The following FARS2 variants were observed in gnomAD, a reference collection of about 807,000 sequenced individuals.
FARS2 encodes the protein phenylalanyl-tRNA synthetase 2, mitochondrial, also known as phenylalanine--tRNA ligase, mitochondrial.
A neutral mutation model predicts 46.4 loss-of-function variants in FARS2; 40 were observed. The observed-to-expected ratio is 0.86, with a 90% CI of 0.67 to 1.12. The LOEUF (loss-of-function observed/expected upper bound fraction) is 1.12, where lower values mean the gene tolerates loss of function less well. Ranked by LOEUF, FARS2 falls within the 50% of genes most tolerant of loss-of-function variation. The pLI is 0.00. For missense variants in FARS2, 513 were observed against 567.9 expected (o/e 0.90, Z 0.98); for synonymous variants, 234 against 214.9 (o/e 1.09, Z -0.78).
chr6:5,350,128 C>A (rs1188300638), intron 1 of FARS2, among the ~76,000 whole-genome samples: 1 of 150,530 alleles, frequency 6.6e-6, no homozygotes, highest in Non-Finnish European at 1.5e-5. Context: ...TTCTTTCTTT[C>A]TTGCCTGGGA....
intron 6 of FARS2, among the ~76,000 whole-genome samples, chr6:5,726,990 C>T (rs1373200224): frequency 2.0e-5 from 3 of 152,248 alleles, no homozygotes. Flanking sequence ...CAAATACCTT[C>T]GTGACCGCTG....
At position 5,341,204 on chromosome 6, in the gene FARS2, TA is replaced by T. The variant is rs1771551637; in HGVS notation, c.-21-27345del. Among the ~76,000 whole-genome samples the T allele has an allele frequency of 8.5e-4, 4 of 4,710 alleles. 1 individual carries two copies. The highest frequency in any genetic ancestry group is 1.3e-3 in the African/African-American group (2 of 1,562). The allele number at this position is 4,710 out of a possible 152,430, so 3.1% of individuals were successfully genotyped here. On this transcript the variant is annotated intron_variant, in intron 1 of 6. Coordinates refer to ENST00000274680, the MANE Select transcript of FARS2 (RefSeq NM_006567.5). ...CCATGGGGAGATATATATATATATATATATATATATATATATATATATATAT... is the reference window on the plus strand; with the variant it reads ...CCATGGGGAGATATATATATATATATTATATATATATATATATATATATAT...
At position 5,645,514 on chromosome 6, in the gene FARS2, G is replaced by A. The variant is rs953870166; in HGVS notation, c.1217+32194G>A. Among the ~76,000 whole-genome samples, 4 of 152,290 alleles carry A rather than the reference G, an allele frequency of 2.6e-5. No individual in the cohort carries two copies. The East Asian group carries it at 7.7e-4, about 29-fold the overall frequency. On this transcript the variant is annotated intron_variant, in intron 6 of 6. Coordinates refer to ENST00000274680, the MANE Select transcript of FARS2 (RefSeq NM_006567.5). ...TTTCACAGATTCATTTAGGAATGAC[G>A]AAAATGCATGCAGAAGAGCAGATGT... is the stretch of plus-strand genomic sequence containing the variant.
At chr6:5,667,127 T>G (rs1468582869) in intron 6 of FARS2, among the ~76,000 whole-genome samples, 1 of 152,106 alleles carries the variant, frequency 6.6e-6, no homozygotes, top group Non-Finnish European at 1.5e-5. Context: ...TGGGTGACAA[T>G]ATAATCTGAA....
chr6:5,409,207 T>G (rs1485907591), intron 3 of FARS2, among the ~76,000 whole-genome samples: 1 of 152,092 alleles, frequency 6.6e-6, no homozygotes, highest in African/African-American at 2.4e-5. Flanking sequence ...TACCAGCACT[T>G]GGGGAGGCCG....
intron 6 of FARS2, among the ~76,000 whole-genome samples, 200 bp from the exon 7 acceptor site, chr6:5,771,091 C>T (rs72821925): frequency 0.026 from 4,021 of 152,306 alleles, 54 homozygotes; most frequent in Non-Finnish European, 0.035. Flanking sequence ...CCAGCAGCCT[C>T]CTTTAGTCAA....
intron 6 of FARS2, among the ~76,000 whole-genome samples, chr6:5,651,983 C>T (rs1172431868): frequency 1.3e-5 from 2 of 152,114 alleles, no homozygotes; most frequent in Admixed American, 6.5e-5. Flanking sequence ...CAGAACGTTG[C>T]ACAGAGAAGA....
intron 5 of FARS2, among the ~76,000 whole-genome samples, chr6:5,580,146 C>T (rs1401468876): frequency 7.9e-5 from 12 of 151,482 alleles, no homozygotes; most frequent in Admixed American, 2.6e-4. Context: ...AAAAATTAGC[C>T]GGGCGTGGTG....
At chr6:5,475,393 A>G (rs1342210603) in intron 4 of FARS2, among the ~76,000 whole-genome samples, 1 of 152,234 alleles carries the variant, frequency 6.6e-6, no homozygotes, top group African/African-American at 2.4e-5. Context: ...GAGCCAGATT[A>G]CGGAGGACCT....
intron 6 of FARS2, among the ~76,000 whole-genome samples, chr6:5,719,250 G>T (rs1190086245): frequency 6.6e-6 from 1 of 151,974 alleles, no homozygotes; most frequent in East Asian, 1.9e-4. Context: ...GGGTCTGGAG[G>T]CACACACCTA....
At chr6:5,670,338 A>G (rs1449931291) in intron 6 of FARS2, among the ~76,000 whole-genome samples, 4 of 152,224 alleles carry the variant, frequency 2.6e-5, no homozygotes, top group Admixed American at 2.0e-4. Context: ...GGATATCACA[A>G]TTCAGGAAAT....
chr6:5,374,730 A>C (rs1759269676), intron 2 of FARS2, among the ~76,000 whole-genome samples: 1 of 152,076 alleles, frequency 6.6e-6, no homozygotes, highest in South Asian at 2.1e-4. Flanking sequence ...AATTCAATTC[A>C]TTGATTTATT....
intron 6 of FARS2, among the ~76,000 whole-genome samples, chr6:5,700,098 A>C (rs1758326406): frequency 6.6e-6 from 1 of 152,220 alleles, no homozygotes; most frequent in Non-Finnish European, 1.5e-5. Flanking sequence ...CTGCCTTCTC[A>C]TGACTGGAGA....
intron 2 of FARS2, among the ~76,000 whole-genome samples, chr6:5,372,222 C>G (rs746118674): frequency 7.2e-5 from 11 of 152,034 alleles, no homozygotes; most frequent in Non-Finnish European, 1.5e-4. Flanking sequence ...TGACCTTGGT[C>G]AGAAACCAAT....
chr6:5,333,958 T>C lies in FARS2; in HGVS notation c.-21-34592T>C, dbSNP rs76112375. The stretch of plus-strand genomic sequence containing the variant: ...CTCCTCTGGCATCCTCTACATGTGC[T>C]GTTCTTCCTCCTAAACCTCCAAGGG... On this transcript the variant is annotated intron_variant, in intron 1 of 6. Transcript: ENST00000274680. 5.3e-3 allele frequency among the ~76,000 whole-genome samples: 802 copies of C among 152,336 alleles called. 5 individuals carry two copies. Among genetic ancestry groups the C allele is most frequent in the African/African-American group, 0.018 (746 of 41,576 alleles).
At chr6:5,539,398 ATGTATATATT>A (rs1399891461) in intron 4 of FARS2, among the ~76,000 whole-genome samples, 5 of 142,208 alleles carry the variant, frequency 3.5e-5, no homozygotes, top group Non-Finnish European at 7.6e-5. Flanking sequence ...ATATATATAT[ATGTATATATT>A]TTTTTAGTAG....
intron 2 of FARS2, among the ~76,000 whole-genome samples, chr6:5,371,922 G>T (rs1759089227): frequency 6.6e-6 from 1 of 152,020 alleles, no homozygotes; most frequent in Admixed American, 6.6e-5. Flanking sequence ...TTTTCAGTTA[G>T]AGAAACCTGA....
chr6:5,548,180 A>G (rs1419628737), intron 5 of FARS2, among the ~76,000 whole-genome samples: 4 of 152,296 alleles, frequency 2.6e-5, no homozygotes, highest in Non-Finnish European at 4.4e-5. Flanking sequence ...CTGTGATTCC[A>G]TTACCTCCAC....
At chr6:5,284,191 C>T (rs773048645) in intron 1 of FARS2, among the ~76,000 whole-genome samples, 10 of 152,106 alleles carry the variant, frequency 6.6e-5, no homozygotes, top group East Asian at 1.9e-4. Flanking sequence ...TAATTCATTT[C>T]GGGGGATCGT....
Sources: allele counts gnomAD v4.1 joint callset (sites outside exome capture counted in the v4.1 genomes callset), GRCh38; gene constraint gnomAD v4.1.1; transcripts MANE v1.5; gene names NCBI Gene and HGNC (gene_info 2026-07-23, HGNC 2026-07-21).